Variants in CSMD1 observed in about 807,000 individuals in gnomAD.
CSMD1 encodes CUB and sushi domain-containing protein 1.
A neutral mutation model predicts 417.5 loss-of-function variants in CSMD1; 213 were observed. The observed-to-expected ratio is 0.51, with a 90% CI of 0.46 to 0.57. CSMD1 has a LOEUF of 0.57. CSMD1 is among the 20% of genes least tolerant of loss of function. CSMD1 has a pLI of 0.00. For missense variants in CSMD1, 6,923 were observed against 4,529.7 expected (o/e 1.53, Z -15.17); for synonymous variants, 2,862 against 1,736.8 (o/e 1.65, Z -16.11).
At chr8:3,371,878 GA>G (rs1449048703) in intron 18 of CSMD1, among the ~76,000 whole-genome samples, 3 of 152,206 alleles carry the variant, frequency 2.0e-5, no homozygotes, top group Admixed American at 6.5e-5. Flanking sequence ...CACTGTGAAA[GA>G]AGTAACATTA....
At chr8:3,861,055 CCCT>C (rs895887528) in intron 5 of CSMD1, among the ~76,000 whole-genome samples, 5 of 152,102 alleles carry the variant, frequency 3.3e-5, no homozygotes, top group African/African-American at 1.2e-4. Flanking sequence ...TGCTCCTCTC[CCCT>C]CCTTTTTCAG....
intron 7 of CSMD1, among the ~76,000 whole-genome samples, chr8:3,700,807 G>A (rs1166444063): frequency 2.0e-5 from 3 of 152,144 alleles, no homozygotes; most frequent in Admixed American, 6.5e-5. Context: ...GAGCAAAGGA[G>A]TTCTTTGGGT....
chr8:3,275,144 C>T (rs540257558), intron 26 of CSMD1, among the ~76,000 whole-genome samples: 9 of 152,254 alleles, frequency 5.9e-5, no homozygotes, highest in South Asian at 4.1e-4. Flanking sequence ...AATCTCTCAG[C>T]ATTTGCTTGT....
intron 9 of CSMD1, among the ~76,000 whole-genome samples, chr8:3,576,718 C>G (rs1420289711): frequency 2.6e-5 from 4 of 152,182 alleles, no homozygotes; most frequent in Non-Finnish European, 5.9e-5. Context: ...ATGGACCCCT[C>G]TTATACACTA....
intron 16 of CSMD1, among the ~76,000 whole-genome samples, chr8:3,396,691 TGATA>T (rs999217367): frequency 6.3e-4 from 96 of 152,166 alleles, no homozygotes; most frequent in Non-Finnish European, 9.9e-4. Flanking sequence ...GATGATAGAT[TGATA>T]GATAGATAGA....
chr8:4,174,016 A>G (rs1584957209), intron 3 of CSMD1, among the ~76,000 whole-genome samples: 1 of 152,132 alleles, frequency 6.6e-6, no homozygotes, highest in Non-Finnish European at 1.5e-5. Context: ...ATCAATCACC[A>G]TGGCCAAGGG....
At chr8:4,155,615 A>AT (rs1207263014) in intron 3 of CSMD1, among the ~76,000 whole-genome samples, 1 of 152,126 alleles carries the variant, frequency 6.6e-6, no homozygotes, top group Non-Finnish European at 1.5e-5. Context: ...ACAAGGTTTG[A>AT]TTTTTTATCA....
chr8:4,302,860 G>C (rs1798051458), intron 3 of CSMD1, among the ~76,000 whole-genome samples: 1 of 152,032 alleles, frequency 6.6e-6, no homozygotes, highest in Non-Finnish European at 1.5e-5. Context: ...TAGCAGGCAG[G>C]ACCAGCAGTT....
Position 4,709,848 on chromosome 8 carries a change from C to T in CSMD1, c.86-72290G>A, listed in dbSNP as rs139626444. 2.0e-5 allele frequency among the ~76,000 whole-genome samples: 3 copies of T among 152,222 alleles called. No homozygotes were observed. The East Asian group carries it at 5.8e-4, about 29-fold the overall frequency. ...CAGTCGTCCCGCAGAGTAAAATACA[C>T]ATGAAATCAACGGAAAAGTCTCAAT... On this transcript the variant is annotated intron_variant, in intron 1 of 69. Coordinates refer to ENST00000635120, the MANE Select transcript of CSMD1 (RefSeq NM_033225.6).
At chr8:4,027,208 G>C (rs901147783) in intron 4 of CSMD1, among the ~76,000 whole-genome samples, 9 of 152,170 alleles carry the variant, frequency 5.9e-5, no homozygotes, top group Admixed American at 5.2e-4. Context: ...CCTGTTGAAG[G>C]TTTGTACTTT....
intron 3 of CSMD1, among the ~76,000 whole-genome samples, chr8:4,327,560 G>C (rs1202745178): frequency 2.0e-5 from 3 of 152,064 alleles, no homozygotes. Flanking sequence ...CTTTCCTGTG[G>C]GGCGCTCATC....
chr8:3,277,944 A>T (rs959342553), intron 26 of CSMD1, among the ~76,000 whole-genome samples: 1 of 152,204 alleles, frequency 6.6e-6, no homozygotes, highest in Admixed American at 6.5e-5. Context: ...AAGCTGAGTA[A>T]AAGAAAAGTA....
At chr8:3,047,174 A>C (rs1811509353) in intron 50 of CSMD1, among the ~76,000 whole-genome samples, 1 of 142,458 alleles carries the variant, frequency 7.0e-6, no homozygotes, top group Non-Finnish European at 1.5e-5. Flanking sequence ...AGATCACACC[A>C]CTGCACTTCA....
At chr8:4,522,913 T>A (rs1429404482) in intron 2 of CSMD1, among the ~76,000 whole-genome samples, 4 of 152,134 alleles carry the variant, frequency 2.6e-5, no homozygotes, top group East Asian at 1.9e-4. Flanking sequence ...ATCCTACAAA[T>A]AAGGACATTG....
intron 1 of CSMD1, among the ~76,000 whole-genome samples, chr8:4,694,097 G>C (rs1806957083): frequency 6.6e-6 from 1 of 152,110 alleles, no homozygotes; most frequent in African/African-American, 2.4e-5. Context: ...CAGCTTCTAA[G>C]ATAAAAATTG....
chr8:4,602,613 A>G (rs1053750341), intron 2 of CSMD1, among the ~76,000 whole-genome samples: 1 of 152,222 alleles, frequency 6.6e-6, no homozygotes, highest in African/African-American at 2.4e-5. Context: ...TATAAAATTC[A>G]AAGAAGTTTG....
intron 2 of CSMD1, among the ~76,000 whole-genome samples, chr8:4,494,148 ATTG>A (rs1168988787): frequency 6.6e-6 from 1 of 152,206 alleles, no homozygotes; most frequent in Non-Finnish European, 1.5e-5. Flanking sequence ...GGGGTAAGAT[ATTG>A]TTGTTTCAAA....
chr8:3,955,211 C>T (rs977745607), intron 5 of CSMD1, among the ~76,000 whole-genome samples: 2 of 152,166 alleles, frequency 1.3e-5, no homozygotes, highest in Non-Finnish European at 2.9e-5. Flanking sequence ...ACCTTGAATG[C>T]GCCTCTCTCT....
chr8:4,657,919 A>G (rs955654887), intron 1 of CSMD1, among the ~76,000 whole-genome samples: 1 of 152,098 alleles, frequency 6.6e-6, no homozygotes, highest in African/African-American at 2.4e-5. Flanking sequence ...CAAATACTGA[A>G]GATAAAAAGT....
Sources: gnomAD v4.1 joint callset for allele counts (sites outside exome capture counted in the v4.1 genomes callset) on GRCh38, gnomAD v4.1.1 for gene constraint, MANE v1.5 for transcripts, NCBI Gene and HGNC (gene_info 2026-07-23, HGNC 2026-07-21) for gene names.